EPB41L3: variants seen among roughly 807,000 people sequenced by gnomAD.
EPB41L3 encodes the protein erythrocyte membrane protein band 4.1 like 3, also known as band 4.1-like protein 3.
EPB41L3 carries 57 observed loss-of-function variants against 127.1 expected under a neutral mutation model. The observed-to-expected ratio is 0.45, with a 90% confidence interval of 0.36 to 0.56. EPB41L3 has a LOEUF of 0.56. EPB41L3 is among the 20% of genes least tolerant of loss of function. EPB41L3 has a pLI of 0.00. For synonymous variants in EPB41L3, 572 were observed against 549.5 expected (o/e 1.04, Z -0.57); for missense variants, 1,273 against 1,372.2 (o/e 0.93, Z 1.14).
intron 1 of EPB41L3, among the ~76,000 whole-genome samples, chr18:5,528,498 T>C (rs2093309210): frequency 6.6e-6 from 1 of 151,756 alleles, no homozygotes; most frequent in African/African-American, 2.4e-5. Flanking sequence ...GCTGTGTATA[T>C]AGGTCATCAT....
intron 1 of EPB41L3, among the ~76,000 whole-genome samples, chr18:5,534,473 G>A (rs1380875184): frequency 6.6e-6 from 1 of 152,142 alleles, no homozygotes; most frequent in Non-Finnish European, 1.5e-5. Context: ...CCGTGGATTG[G>A]TCCCCAAAAA....
intron 1 of EPB41L3, among the ~76,000 whole-genome samples, chr18:5,524,578 T>C (rs2093148058): frequency 6.6e-6 from 1 of 151,954 alleles, no homozygotes; most frequent in South Asian, 2.1e-4. Flanking sequence ...CCATTTCCAT[T>C]GGTCATCTGC....
intron 1 of EPB41L3, among the ~76,000 whole-genome samples, chr18:5,514,676 C>G (rs1598508657): frequency 6.6e-6 from 1 of 152,172 alleles, no homozygotes; most frequent in Admixed American, 6.5e-5. Flanking sequence ...AATGCTAAGT[C>G]TCAGAAATGT....
chr18:5,464,695 G>A (rs193299986), intron 3 of EPB41L3, among the ~76,000 whole-genome samples: 17 of 152,090 alleles, frequency 1.1e-4, no homozygotes, highest in African/African-American at 4.1e-4. Flanking sequence ...TGCTATGGAA[G>A]GGCAAATATA....
At chr18:5,629,415 C>CCA (rs61034629), upstream of EPB41L3, among the ~76,000 whole-genome samples, 47,704 of 143,588 alleles carry the variant, frequency 0.33, 7,861 homozygotes, top group Non-Finnish European at 0.39. Flanking sequence ...TCCTTACACA[C>CCA]CACACACACA....
intron 3 of EPB41L3, among the ~76,000 whole-genome samples, chr18:5,569,732 G>T (rs1456091218): frequency 6.6e-6 from 1 of 152,044 alleles, no homozygotes; most frequent in Non-Finnish European, 1.5e-5. Flanking sequence ...TTCCTAATTG[G>T]AATTCATAAT....
chr18:5,519,817 T>C (rs1336417365), intron 1 of EPB41L3, among the ~76,000 whole-genome samples: 1 of 152,254 alleles, frequency 6.6e-6, no homozygotes, highest in African/African-American at 2.4e-5. Flanking sequence ...TAGTTACTGA[T>C]AACTTTTCCT....
chr18:5,545,569 G>A (rs1279596684), upstream of EPB41L3, among the ~76,000 whole-genome samples: 1 of 152,214 alleles, frequency 6.6e-6, no homozygotes, highest in African/African-American at 2.4e-5. Context: ...ATATTCTATA[G>A]ATGTGTAGCT....
At chr18:5,462,999 C>T (rs920656753) in intron 3 of EPB41L3, among the ~76,000 whole-genome samples, 2 of 152,168 alleles carry the variant, frequency 1.3e-5, no homozygotes, top group African/African-American at 4.8e-5. Flanking sequence ...CCACAAATCT[C>T]GAAGTCATTA....
intron 1 of EPB41L3, among the ~76,000 whole-genome samples, chr18:5,511,930 A>C (rs1484991698): frequency 6.6e-6 from 1 of 152,268 alleles, no homozygotes; most frequent in Non-Finnish European, 1.5e-5. Flanking sequence ...AAAGGCTTCC[A>C]GAGTAAAGTA....
At chr18:5,556,735 C>T (rs1372009582) in intron 3 of EPB41L3, among the ~76,000 whole-genome samples, 1 of 152,188 alleles carries the variant, frequency 6.6e-6, no homozygotes, top group Non-Finnish European at 1.5e-5. Flanking sequence ...CACAGACCTG[C>T]CCTCTGCCCC....
chr18:5,441,050 A>C (rs1288356914), intron 5 of EPB41L3, among the ~76,000 whole-genome samples: 2 of 152,092 alleles, frequency 1.3e-5, no homozygotes, highest in Non-Finnish European at 2.9e-5. Context: ...GCGCTCAGCT[A>C]ATTAAAACAA....
chr18:5,404,060 A>G (rs1018863128), intron 16 of EPB41L3, among the ~76,000 whole-genome samples: 1 of 152,172 alleles, frequency 6.6e-6, no homozygotes, highest in Non-Finnish European at 1.5e-5. Flanking sequence ...AGGGCCCTCA[A>G]TTGGAGTATA....
chr18:5,442,499 T>C (rs551222811), intron 5 of EPB41L3, among the ~76,000 whole-genome samples: 2 of 152,324 alleles, frequency 1.3e-5, no homozygotes, highest in Admixed American at 6.5e-5. Context: ...CTAGTGATTA[T>C]GTTTTATTAG....
At chr18:5,431,145 GACAA>G (rs1655440008) in intron 8 of EPB41L3, 1 of 152,094 alleles carries the variant, frequency 6.6e-6, no homozygotes, top group Non-Finnish European at 1.5e-5. Context: ...CACATTAAGT[GACAA>G]ACAAGCAGAG....
At chr18:5,457,256 T>C (rs1317477529) in intron 3 of EPB41L3, among the ~76,000 whole-genome samples, 2 of 152,202 alleles carry the variant, frequency 1.3e-5, no homozygotes, top group Non-Finnish European at 1.5e-5. Context: ...CCATACATGT[T>C]TAGACTGCAC....
intron 5 of EPB41L3, among the ~76,000 whole-genome samples, 185 bp downstream of exon 5, chr18:5,443,653 A>G (rs534728081): frequency 5.3e-5 from 8 of 152,360 alleles, no homozygotes; most frequent in African/African-American, 7.2e-5. Flanking sequence ...CAGGCCAAGC[A>G]TCACGGTCCC....
At chr18:5,398,583 AG>A (rs2143868280) in intron 16 of EPB41L3, 1 of 402,486 alleles carries the variant, frequency 2.5e-6, no homozygotes, top group Non-Finnish European at 4.4e-6. Flanking sequence ...TTGGGGTGGA[AG>A]GGGACTGCCT....
At chr18:5,437,933 G>A in intron 6 of EPB41L3, 102 bp downstream of exon 6, 1 of 991,162 alleles carries the variant, frequency 1.0e-6, no homozygotes, top group Non-Finnish European at 1.5e-6. Flanking sequence ...GAGCGTGGAT[G>A]ATTGTAAGGC....
Sources: gnomAD v4.1 joint callset for allele counts (sites outside exome capture counted in the v4.1 genomes callset) on GRCh38, gnomAD v4.1.1 for gene constraint, MANE v1.5 for transcripts, NCBI Gene and HGNC (gene_info 2026-07-23, HGNC 2026-07-21) for gene names.